Variants in ART3 observed in about 807,000 individuals in gnomAD.
ART3 encodes the protein ADP-ribosyltransferase 3 (inactive).
ART3 carries 49 observed loss-of-function variants against 48.5 expected under a neutral mutation model. The ratio of observed to expected loss-of-function variants is 1.01; its 90% confidence interval spans 0.80 to 1.28. ART3 has a LOEUF of 1.28. Ranked by LOEUF, ART3 falls within the 50% of genes most tolerant of loss-of-function variation. The pLI, the probability that ART3 is intolerant of heterozygous loss-of-function variation, is 0.00. For missense variants in ART3, 438 were observed against 454.3 expected (o/e 0.96, Z 0.33); for synonymous variants, 145 against 157.2 (o/e 0.92, Z 0.58).
intron 1 of ART3, among the ~76,000 whole-genome samples, chr4:76,043,472 G>A (rs1272146522): frequency 3.3e-5 from 5 of 152,104 alleles, no homozygotes; most frequent in Admixed American, 3.3e-4. Flanking sequence ...ATGAGAAATC[G>A]AGTGCAGTGC....
chr4:76,057,060 T>C (rs961447077), intron 1 of ART3, among the ~76,000 whole-genome samples: 3 of 152,234 alleles, frequency 2.0e-5, no homozygotes, highest in Non-Finnish European at 2.9e-5. Context: ...GTTTGTCTTA[T>C]CTGATATTTT....
chr4:76,028,680 T>G (rs931715801), intron 1 of ART3, among the ~76,000 whole-genome samples: 4 of 152,234 alleles, frequency 2.6e-5, no homozygotes, highest in Non-Finnish European at 5.9e-5. Flanking sequence ...CAGTTTTCAC[T>G]CTGAGCTCTC....
At chr4:76,090,763 C>T (rs1030454340) in intron 3 of ART3, among the ~76,000 whole-genome samples, 1 of 152,110 alleles carries the variant, frequency 6.6e-6, no homozygotes, top group Non-Finnish European at 1.5e-5. Context: ...AATTGATATG[C>T]AATAAACTGC....
At chr4:76,068,714 A>G (rs371311499) in intron 1 of ART3, among the ~76,000 whole-genome samples, 1 of 152,320 alleles carries the variant, frequency 6.6e-6, no homozygotes, top group African/African-American at 2.4e-5. Context: ...GTGATGAAGT[A>G]ATGGGTACAA....
At chr4:76,040,001 CT>C (rs1560589478) in intron 1 of ART3, among the ~76,000 whole-genome samples, 1 of 152,056 alleles carries the variant, frequency 6.6e-6, no homozygotes, top group African/African-American at 2.4e-5. Flanking sequence ...TATTTTCTTC[CT>C]TACTGCAAAG....
At chr4:76,012,874 A>G (rs1422836581) in intron 1 of ART3, among the ~76,000 whole-genome samples, 2 of 152,188 alleles carry the variant, frequency 1.3e-5, no homozygotes, top group East Asian at 3.8e-4. Flanking sequence ...TTAAAATGTC[A>G]CTTTAAAATT....
intron 1 of ART3, chr4:76,035,129 G>T (rs1734242321): frequency 1.3e-6 from 2 of 1,553,414 alleles, no homozygotes; most frequent in African/African-American, 3.7e-5. Context: ...ACTGTTAAAA[G>T]AACATACAAG....
intron 1 of ART3, among the ~76,000 whole-genome samples, chr4:76,050,696 G>A (rs13105341): frequency 0.58 from 88,626 of 151,578 alleles, 26,732 homozygotes; most frequent in East Asian, 0.94. Context: ...ACTGGGCACC[G>A]TGGAGCAGGG....
intron 1 of ART3, among the ~76,000 whole-genome samples, chr4:76,062,939 T>A (rs1719377628): frequency 6.6e-6 from 1 of 152,094 alleles, no homozygotes; most frequent in East Asian, 1.9e-4. Flanking sequence ...CTATTCTCTC[T>A]GTAAGGAATG....
intron 1 of ART3, among the ~76,000 whole-genome samples, chr4:76,046,542 G>A (rs913304052): frequency 2.0e-5 from 3 of 151,968 alleles, no homozygotes; most frequent in African/African-American, 7.2e-5. Flanking sequence ...AAGGGATATT[G>A]CCTTTGATAC....
At chr4:76,030,151 G>A (rs990224590) in intron 1 of ART3, among the ~76,000 whole-genome samples, 16 of 152,288 alleles carry the variant, frequency 1.1e-4, no homozygotes, top group African/African-American at 3.8e-4. Flanking sequence ...CCACCTCCCG[G>A]GTTCAAGCGA....
chr4:76,096,048 G>A (rs996324242), intron 3 of ART3, among the ~76,000 whole-genome samples: 1 of 151,888 alleles, frequency 6.6e-6, no homozygotes, highest in African/African-American at 2.4e-5. Context: ...TCAGCCTCCC[G>A]ACTAGCTGGG....
chr4:76,095,939 T>A (rs1725911966), intron 3 of ART3, among the ~76,000 whole-genome samples: 1 of 152,246 alleles, frequency 6.6e-6, no homozygotes, highest in African/African-American at 2.4e-5. Context: ...TTTTTTCTTT[T>A]GAGACAGAGT....
intron 3 of ART3, among the ~76,000 whole-genome samples, chr4:76,088,100 T>G (rs535515525): frequency 2.6e-5 from 4 of 152,126 alleles, no homozygotes; most frequent in African/African-American, 9.6e-5. Context: ...TATACCTCAA[T>G]TGGGAGGACG....
At chr4:76,092,448 A>G (rs1725107077) in intron 3 of ART3, among the ~76,000 whole-genome samples, 1 of 152,100 alleles carries the variant, frequency 6.6e-6, no homozygotes, top group South Asian at 2.1e-4. Context: ...TTACAAATTT[A>G]CTGTTCCTCT....
intron 1 of ART3, among the ~76,000 whole-genome samples, chr4:76,038,432 G>A (rs1734642564): frequency 6.6e-6 from 1 of 152,002 alleles, no homozygotes; most frequent in African/African-American, 2.4e-5. Context: ...AAGGTGAGGG[G>A]GCTACTGTAT....
intron 10 of ART3, chr4:76,105,655 G>A (rs1728310609): frequency 1.8e-6 from 2 of 1,130,246 alleles, no homozygotes; most frequent in African/African-American, 3.3e-5. Flanking sequence ...GAAGACATCT[G>A]GGCTGTACAC....
upstream of ART3, among the ~76,000 whole-genome samples, chr4:76,071,238 T>G (rs952700316): frequency 5.3e-5 from 8 of 151,932 alleles, no homozygotes; most frequent in Non-Finnish European, 1.2e-4. Flanking sequence ...CTCTGGAATC[T>G]GAGGCAGGAG....
chr4:76,075,367 T>C (rs1720823245), intron 1 of ART3: 2 of 152,746 alleles, frequency 1.3e-5, no homozygotes, highest in African/African-American at 4.8e-5. Flanking sequence ...GTACCACTAC[T>C]GACCTCATCA....
Sources: gnomAD v4.1 joint callset for allele counts (sites outside exome capture counted in the v4.1 genomes callset) on GRCh38, gnomAD v4.1.1 for gene constraint, MANE v1.5 for transcripts, NCBI Gene and HGNC (gene_info 2026-07-23, HGNC 2026-07-21) for gene names.